Variants in GPR158 observed in about 807,000 individuals in gnomAD.
GPR158 encodes the protein metabotropic glycine receptor.
In GPR158, 30 loss-of-function variants were observed where a neutral mutation model predicts 78.2. That is an observed-to-expected ratio of 0.38 (90% CI 0.29 to 0.52). The LOEUF (loss-of-function observed/expected upper bound fraction) is 0.52, where lower values mean the gene tolerates loss of function less well. GPR158 is among the 20% of genes least tolerant of loss of function. The pLI, the probability that GPR158 is intolerant of heterozygous loss-of-function variation, is 0.83. For synonymous variants in GPR158, 581 were observed against 591.1 expected (o/e 0.98, Z 0.25); for missense variants, 1,463 against 1,523.5 (o/e 0.96, Z 0.66).
intron 2 of GPR158, among the ~76,000 whole-genome samples, chr10:25,377,071 A>C (rs988038239): frequency 1.3e-5 from 2 of 151,756 alleles, no homozygotes; most frequent in Non-Finnish European, 3.0e-5. Flanking sequence ...TACAAGCTTA[A>C]TGTATCTTTG....
chr10:25,447,777 A>AT (rs1405913732), intron 4 of GPR158, among the ~76,000 whole-genome samples: 1 of 152,164 alleles, frequency 6.6e-6, no homozygotes, highest in Non-Finnish European at 1.5e-5. Flanking sequence ...TTTAATGTGG[A>AT]TTTTCAAATC....
rs797020485 is a variant in GPR158, at chr10:25,388,584, G to A, written c.1009-7327G>A. Among the ~76,000 whole-genome samples, 8 of 152,358 alleles carry A rather than the reference G, an allele frequency of 5.3e-5. 1 individual carries two copies. In the South Asian group the frequency reaches 1.0e-3, roughly 20 times the overall value. ...CTCACCCATTGCCCTGGGAGCTATC[G>A]CAATGAGGCCAGGCCAGGTCACCTG... On this transcript the variant is annotated intron_variant, in intron 2 of 10. Coordinates refer to ENST00000376351, the MANE Select transcript of GPR158 (RefSeq NM_020752.3).
intron 1 of GPR158, among the ~76,000 whole-genome samples, chr10:25,185,640 G>A (rs1412209992): frequency 1.3e-5 from 2 of 152,104 alleles, no homozygotes; most frequent in Admixed American, 6.5e-5. Flanking sequence ...TGGCTAACAG[G>A]GTGAAACCCC....
At chr10:25,468,661 G>A (rs1193712195) in intron 5 of GPR158, among the ~76,000 whole-genome samples, 1 of 152,182 alleles carries the variant, frequency 6.6e-6, no homozygotes, top group Admixed American at 6.5e-5. Context: ...TGGTGCTAGT[G>A]GCTTAGGTAA....
intron 2 of GPR158, among the ~76,000 whole-genome samples, chr10:25,379,971 T>C (rs1357252306): frequency 6.6e-6 from 1 of 152,078 alleles, no homozygotes; most frequent in East Asian, 1.9e-4. Context: ...TAGGGTTTTT[T>C]TTTTCTTTTT....
At chr10:25,507,983 A>G (rs955470552) in intron 5 of GPR158, among the ~76,000 whole-genome samples, 4 of 152,178 alleles carry the variant, frequency 2.6e-5, no homozygotes, top group African/African-American at 9.6e-5. Context: ...AAATTTTATA[A>G]GGACGGTTTT....
At chr10:25,476,482 T>G (rs1045520802) in intron 5 of GPR158, among the ~76,000 whole-genome samples, 2 of 150,278 alleles carry the variant, frequency 1.3e-5, no homozygotes, top group African/African-American at 4.9e-5. Flanking sequence ...TAAGTAATAC[T>G]TACGTTCAGG....
intron 2 of GPR158, among the ~76,000 whole-genome samples, chr10:25,224,956 G>A (rs1198224666): frequency 2.0e-5 from 3 of 152,102 alleles, no homozygotes; most frequent in Non-Finnish European, 2.9e-5. Context: ...CTGTAGAGGT[G>A]TGTGAATACT....
At chr10:25,407,891 G>A (rs776683310) in intron 3 of GPR158, among the ~76,000 whole-genome samples, 1 of 152,054 alleles carries the variant, frequency 6.6e-6, no homozygotes, top group East Asian at 1.9e-4. Context: ...ATTACATAAA[G>A]CATATCATGT....
Position 25,598,911 on chromosome 10 carries a change from C to T in GPR158, c.3285C>T (p.Leu1095=), listed in dbSNP as rs932537021. ...EKLLISKTPV[L]PERAKEENGG... is the part of the protein sequence containing the mutation. ...TTTTGATTTCCAAGACTCCAGTTCTCCCAGAGAGGGCAAAAGAGGAGAACG... is the reference window on the plus strand; with the variant it reads ...TTTTGATTTCCAAGACTCCAGTTCTTCCAGAGAGGGCAAAAGAGGAGAACG... The change falls in exon 11 of 11, where the codon CTC becomes CTT. Residue 1095 remains leucine (L), a synonymous_variant. Coordinates refer to ENST00000376351, the MANE Select transcript of GPR158 (RefSeq NM_020752.3). 1.2e-6 allele frequency: 2 copies of T among 1,614,016 alleles called. No individual in the cohort carries two copies. The highest frequency in any genetic ancestry group is 1.7e-6 in the Non-Finnish European group (2 of 1,180,004).
chr10:25,411,221 CAGA>C (rs1386174084), intron 3 of GPR158, among the ~76,000 whole-genome samples: 1 of 151,768 alleles, frequency 6.6e-6, no homozygotes, highest in Non-Finnish European at 1.5e-5. Context: ...ATAACTGAGA[CAGA>C]AGAACCTAAA....
In GPR158 at chr10:25,221,015, A is replaced by G. The variant is rs752106745; in HGVS notation, c.903-37A>G. The G allele has an allele frequency of 5.6e-6, 6 of 1,064,860 alleles. No homozygotes were observed. The South Asian group carries it at 6.8e-5, about 12-fold the overall frequency. The allele number at this position is 1,064,860 out of a possible 1,614,324, so 66.0% of individuals were successfully genotyped here. A position where few individuals can be genotyped will look rare whatever the true frequency, so the allele number is the denominator to read the frequency against. On this transcript the variant is annotated intron_variant, in intron 1 of 10. Transcript: ENST00000376351. ...AAATACAGAGAAATCATAAATGTCC[A>G]GATTAATTTGTTCTTTTTATCCTTT...
At chr10:25,546,225 A>C (rs748902426) in intron 5 of GPR158, among the ~76,000 whole-genome samples, 37 of 152,122 alleles carry the variant, frequency 2.4e-4, no homozygotes, top group Non-Finnish European at 2.9e-4. Context: ...ACTTGCAAAA[A>C]AGTTATTCTA....
At chr10:25,540,848 G>A (rs554596159) in intron 5 of GPR158, among the ~76,000 whole-genome samples, 22 of 151,442 alleles carry the variant, frequency 1.5e-4, no homozygotes, top group African/African-American at 4.6e-4. Context: ...TATAAATGAC[G>A]AGTTAATGGG....
chr10:25,548,290 G>A (rs751570592), intron 5 of GPR158, among the ~76,000 whole-genome samples: 2 of 152,100 alleles, frequency 1.3e-5, no homozygotes, highest in Admixed American at 1.3e-4. Context: ...AGTAGAAGAA[G>A]CATATAGTCT....
chr10:25,592,781 C>G (rs967580231), intron 8 of GPR158, among the ~76,000 whole-genome samples: 1 of 151,474 alleles, frequency 6.6e-6, no homozygotes, highest in African/African-American at 2.4e-5. Context: ...ATGTAACTTT[C>G]TGCTCCAATA....
intron 5 of GPR158, among the ~76,000 whole-genome samples, chr10:25,502,703 CTG>C (rs1374973529): frequency 2.6e-5 from 4 of 152,170 alleles, no homozygotes; most frequent in Admixed American, 6.5e-5. Flanking sequence ...GTCAAACAGA[CTG>C]TGAATAAATT....
chr10:25,558,298 A>G (rs1836812073), intron 6 of GPR158, among the ~76,000 whole-genome samples: 2 of 152,262 alleles, frequency 1.3e-5, no homozygotes, highest in Admixed American at 6.5e-5. Flanking sequence ...AGTACTTAGC[A>G]GACTATAGCT....
chr10:25,599,307 C>A lies in GPR158; in HGVS notation c.*33C>A. ...AGGAAGAAGAGGAAAAGGAGGGAAC[C>A]CCGGATTGGATATGAGACAGAAGAT... On this transcript the variant is annotated 3_prime_UTR_variant, in exon 11 of 11. Transcript: ENST00000376351. 1.4e-6 allele frequency: 2 copies of A among 1,468,210 alleles called. No homozygotes were observed. The highest frequency in any genetic ancestry group is 1.2e-5 in the South Asian group (1 of 84,480). 90.9% of individuals were successfully genotyped at this position (1,468,210 alleles called of 1,614,324 possible). A position where few individuals can be genotyped will look rare whatever the true frequency, so the allele number is the denominator to read the frequency against.
Sources: allele counts gnomAD v4.1 joint callset (sites outside exome capture counted in the v4.1 genomes callset), GRCh38; gene constraint gnomAD v4.1.1; transcripts MANE v1.5; gene names NCBI Gene and HGNC (gene_info 2026-07-23, HGNC 2026-07-21).